Variants in DMD observed in about 807,000 individuals in gnomAD.
The protein encoded by DMD is mutant dystrophin.
In DMD, 63 loss-of-function variants were observed where a neutral mutation model predicts 330.1. The ratio of observed to expected loss-of-function variants is 0.19; its 90% CI spans 0.16 to 0.24. DMD has a LOEUF of 0.24. Among genes scored for constraint, DMD ranks in the 10% least tolerant of loss-of-function variants. DMD has a pLI of 1.00. For missense variants in DMD, 3,344 were observed against 2,684.1 expected, an observed-to-expected ratio of 1.25 and a Z score of -5.43; for synonymous variants, 1,223 against 959.8, an observed-to-expected ratio of 1.27 and a Z score of -5.07.
At chrX:32,633,652 T>G (rs891302203) in intron 11 of DMD, among the ~76,000 whole-genome samples, 1 of 111,993 alleles carries the variant, frequency 8.9e-6, no homozygotes, top group South Asian at 3.7e-4. Context: ...GAGTAATTTA[T>G]AAAGAAAAGA....
At chrX:31,886,577 C>T (rs889073885) in intron 47 of DMD, among the ~76,000 whole-genome samples, 3 of 111,762 alleles carry the variant, frequency 2.7e-5, no homozygotes, top group African/African-American at 9.7e-5. Flanking sequence ...AAAATTCAAA[C>T]AGGGAGGTGT....
chrX:32,837,694 A>G lies in DMD; in HGVS notation c.264+7089T>C, dbSNP rs182357419. On this transcript the variant is annotated intron_variant, in intron 4 of 78. Transcript: ENST00000357033. ...CAGTTAATACACTTGACTTCACAAG[A>G]TACCTTAAAATTGTATAGTGAATGT... Among the ~76,000 whole-genome samples the G allele has an allele frequency of 3.1e-4, 35 of 111,928 alleles. No individual in the cohort carries two copies. In the East Asian group the frequency reaches 8.7e-3, roughly 28 times the overall value.
chrX:32,622,192 G>C (rs1262165694), intron 11 of DMD, among the ~76,000 whole-genome samples: 2 of 111,489 alleles, frequency 1.8e-5, no homozygotes, highest in East Asian at 5.7e-4. Flanking sequence ...AACTGCCAAA[G>C]AATGGGTTCT....
chrX:31,535,791 T>A (rs1049603926), intron 55 of DMD, among the ~76,000 whole-genome samples: 10 of 111,784 alleles, frequency 8.9e-5, no homozygotes, highest in Non-Finnish European at 1.7e-4. Context: ...CTACAAATAC[T>A]GAGGGAGATG....
At chrX:33,042,381 C>A (rs1289028936) in intron 1 of DMD, among the ~76,000 whole-genome samples, 1 of 112,170 alleles carries the variant, frequency 8.9e-6, no homozygotes, top group Admixed American at 9.5e-5. Context: ...AAATGCAACA[C>A]AAAAGACGAG....
At position 32,096,451 on chromosome X, in the gene DMD, A is replaced by C. The variant is rs142159175; in HGVS notation, c.6438+120465T>G. The stretch of plus-strand genomic sequence containing the variant: ...TAATGGTTACTAATTTGAATAACGT[A>C]AGAATTATATTACCAACAAAAAACG... On this transcript the variant is annotated intron_variant, in intron 44 of 78. Coordinates refer to ENST00000357033, the MANE Select transcript of DMD (RefSeq NM_004006.3). 9.7e-3 allele frequency among the ~76,000 whole-genome samples: 1,084 copies of C among 111,671 alleles called. 9 individuals carry two copies. The highest frequency in any genetic ancestry group is 0.033 in the African/African-American group (1,013 of 30,719).
intron 48 of DMD, among the ~76,000 whole-genome samples, chrX:31,861,186 G>A (rs2093691583): frequency 9.0e-6 from 1 of 111,608 alleles, no homozygotes; most frequent in Non-Finnish European, 1.9e-5. Context: ...AAATGATTCT[G>A]CAACACATGA....
chrX:31,777,068 T>C (rs1478614171), intron 50 of DMD, among the ~76,000 whole-genome samples: 1 of 111,975 alleles, frequency 8.9e-6, no homozygotes, highest in East Asian at 2.8e-4. Context: ...AGGTGCTCAA[T>C]TGATTCCCTT....
At chrX:32,428,750 T>C (rs1021111780) in intron 29 of DMD, among the ~76,000 whole-genome samples, 1 of 111,109 alleles carries the variant, frequency 9.0e-6, no homozygotes, top group African/African-American at 3.3e-5. Context: ...CAGCTGGGAC[T>C]ACAGGCGTGC....
At chrX:31,635,257 G>A (rs895964730) in intron 54 of DMD, among the ~76,000 whole-genome samples, 6 of 111,761 alleles carry the variant, frequency 5.4e-5, no homozygotes, top group African/African-American at 1.6e-4. Context: ...TTTTTAAGTT[G>A]GCTTTGGTTA....
chrX:31,477,412 T>C (rs73450084), intron 59 of DMD, among the ~76,000 whole-genome samples: 1,930 of 111,947 alleles, frequency 0.017, 32 homozygotes, highest in African/African-American at 0.059. Context: ...AATTTTAATC[T>C]AGGAGGATTT....
At chrX:31,700,563 C>T (rs989218678) in intron 52 of DMD, among the ~76,000 whole-genome samples, 12 of 111,603 alleles carry the variant, frequency 1.1e-4, no homozygotes, top group African/African-American at 1.6e-4. Flanking sequence ...GCTTCCCATA[C>T]GGAAAGATGA....
At chrX:31,573,209 T>C (rs762055658) in intron 55 of DMD, among the ~76,000 whole-genome samples, 2 of 111,915 alleles carry the variant, frequency 1.8e-5, no homozygotes, top group African/African-American at 6.5e-5. Context: ...AGGTCTAGTT[T>C]AGTATTTATA....
At chrX:33,230,459 A>G (rs2052368350) in intron 1 of DMD, among the ~76,000 whole-genome samples, 1 of 111,453 alleles carries the variant, frequency 9.0e-6, no homozygotes, top group Admixed American at 9.6e-5. Flanking sequence ...AAATAAATAT[A>G]TATTTTATTT....
At chrX:32,087,668 T>C (rs2096449155) in intron 44 of DMD, among the ~76,000 whole-genome samples, 1 of 112,170 alleles carries the variant, frequency 8.9e-6, no homozygotes, top group Non-Finnish European at 1.9e-5. Context: ...TTGGCTCAAA[T>C]GGATTGAAGA....
chrX:32,747,210 T>C (rs1433000783), intron 7 of DMD, among the ~76,000 whole-genome samples: 1 of 112,413 alleles, frequency 8.9e-6, no homozygotes, highest in Non-Finnish European at 1.9e-5. Flanking sequence ...CGCAACAATT[T>C]TCAAATGGAT....
At chrX:31,652,586 T>C (rs1459860718) in intron 54 of DMD, among the ~76,000 whole-genome samples, 1 of 111,958 alleles carries the variant, frequency 8.9e-6, no homozygotes, top group Admixed American at 9.5e-5. Flanking sequence ...CTCACAATTA[T>C]TATATGATTA....
At chrX:31,612,140 C>A (rs917740780) in intron 55 of DMD, among the ~76,000 whole-genome samples, 14 of 111,305 alleles carry the variant, frequency 1.3e-4, no homozygotes, top group Admixed American at 7.7e-4. Context: ...TCATTCTCTT[C>A]TTCCTCCAGC....
rs144709148 is a variant in DMD, at chrX:33,200,521, T to C, written c.31+10761A>G. ...ATTCATCACACTGTCATAAAGACTT[T>C]CTTTTTTCCTAGAAAAGTGGTATCT... On this transcript the variant is annotated intron_variant, in intron 1 of 78. Coordinates refer to ENST00000357033, the MANE Select transcript of DMD (RefSeq NM_004006.3). Among the ~76,000 whole-genome samples, 1,112 of 111,721 alleles carry C rather than the reference T, an allele frequency of 1.0e-2. 8 individuals carry two copies. Among genetic ancestry groups the C allele is most frequent in the Non-Finnish European group, 0.015 (793 of 53,118 alleles).
Sources: gnomAD v4.1 joint callset for allele counts (sites outside exome capture counted in the v4.1 genomes callset) on GRCh38, gnomAD v4.1.1 for gene constraint, MANE v1.5 for transcripts, NCBI Gene and HGNC (gene_info 2026-07-23, HGNC 2026-07-21) for gene names.